DZIP1L: variants seen among roughly 807,000 people sequenced by gnomAD.
DZIP1L encodes the protein cilium assembly protein DZIP1L.
A neutral mutation model predicts 88.7 loss-of-function variants in DZIP1L; 90 were observed. The observed-to-expected ratio is 1.02, with a 90% CI of 0.86 to 1.21. The LOEUF (loss-of-function observed/expected upper bound fraction) is 1.21. Among genes scored for constraint, DZIP1L ranks in the 50% most tolerant of loss-of-function variants. The probability of loss-of-function intolerance (pLI) is 0.00; values close to 1 mark genes in which losing one functional copy is unlikely to be tolerated. For missense variants in DZIP1L, 932 were observed against 955.8 expected, an observed-to-expected ratio of 0.98 and a Z score of 0.33; for synonymous variants, 363 against 372.1, an observed-to-expected ratio of 0.98 and a Z score of 0.28.
Position 138,077,422 on chromosome 3 carries a change from G to T in DZIP1L, c.1422+77C>A. 3 of 1,574,956 alleles carry T rather than the reference G, an allele frequency of 1.9e-6. No individual in the cohort carries two copies. In the South Asian group the frequency reaches 3.5e-5, roughly 18 times the overall value. On this transcript the variant is annotated intron_variant, in intron 11 of 15. Transcript: ENST00000327532. ...TGAGCTCACAATGCAAAGAACAATCGATCATTTGTCTGTCTGAGAACACTT... is the reference window on the plus strand; with the variant it reads ...TGAGCTCACAATGCAAAGAACAATCTATCATTTGTCTGTCTGAGAACACTT...
chr3:138,097,031 A>G (rs1477029553), intron 3 of DZIP1L, among the ~76,000 whole-genome samples: 1 of 152,024 alleles, frequency 6.6e-6, no homozygotes, highest in African/African-American at 2.4e-5. Flanking sequence ...AATTTTTAAA[A>G]TTAGCCAGGT....
chr3:138,111,824 G>T (rs145771030), intron 1 of DZIP1L, among the ~76,000 whole-genome samples: 2 of 151,920 alleles, frequency 1.3e-5, no homozygotes, highest in East Asian at 3.9e-4. Flanking sequence ...GTGAAACCCC[G>T]TCTCTACTAA....
intron 6 of DZIP1L, among the ~76,000 whole-genome samples, chr3:138,087,230 C>T (rs1022419770): frequency 6.6e-6 from 1 of 151,974 alleles, no homozygotes; most frequent in Non-Finnish European, 1.5e-5. Flanking sequence ...GAACAAATGG[C>T]TAGCTACCTG....
chr3:138,077,581 C>A lies in DZIP1L; in HGVS notation c.1340G>T (p.Arg447Leu), dbSNP rs376723739. Residue 447 changes from arginine (R) to leucine (L), a missense_variant, in exon 11 of 16, where the codon CGT (arginine) becomes CTT (leucine). Arg to Leu is a moderately radical substitution (Grantham distance 102). Transcript: ENST00000327532. The stretch of plus-strand genomic sequence containing the variant: ...GAAGTGCTTCAGCAAAGTGGGGTTA[C>A]GCCTCAGAGCTGCCAGCACCTTGTG... Reference protein sequence around the residue: ...EQHKVLAALRRNPTLLKHFRP... With the variant: ...EQHKVLAALRLNPTLLKHFRP... The A allele has an allele frequency of 3.7e-6, 6 of 1,614,210 alleles. No individual in the cohort carries two copies. The Admixed American group carries it at 8.3e-5, about 22-fold the overall frequency.
chr3:138,086,924 G>C (rs764205280), intron 7 of DZIP1L, 37 bp downstream of exon 7: 17 of 1,609,818 alleles, frequency 1.1e-5, no homozygotes, highest in Middle Eastern at 1.7e-4. Context: ...GAGGTCACAG[G>C]AAACCAAGCT....
At chr3:138,069,076 C>A in intron 12 of DZIP1L, 2 of 1,097,142 alleles carry the variant, frequency 1.8e-6, no homozygotes, top group South Asian at 1.7e-5. Context: ...GTTGAACAGC[C>A]ATGGGTCCAC....
At chr3:138,104,166 T>A in intron 1 of DZIP1L, 114 bp from the exon 2 acceptor site, 2 of 994,698 alleles carry the variant, frequency 2.0e-6, no homozygotes, top group Non-Finnish European at 2.9e-6. Flanking sequence ...GCAGCAGCTG[T>A]AGCATTCATG....
chr3:138,073,652 A>G (rs1943275802), intron 11 of DZIP1L, among the ~76,000 whole-genome samples: 2 of 152,160 alleles, frequency 1.3e-5, no homozygotes, highest in South Asian at 2.1e-4. Flanking sequence ...ATGACAAGAC[A>G]AGGTTCTTTA....
chr3:138,112,392 C>G (rs1265830951), intron 1 of DZIP1L: 4 of 152,190 alleles, frequency 2.6e-5, no homozygotes, highest in African/African-American at 9.7e-5. Context: ...AGTGCAAGCG[C>G]TGACAGAGTT....
chr3:138,102,102 T>C (rs2042337503), intron 2 of DZIP1L: 3 of 1,446,134 alleles, frequency 2.1e-6, no homozygotes, highest in Admixed American at 3.4e-5. Context: ...CCAGCTGCAG[T>C]TGGCGATCTC....
At chr3:138,084,059 C>T in intron 8 of DZIP1L, 54 bp downstream of exon 8, 1 of 1,590,620 alleles carries the variant, frequency 6.3e-7, no homozygotes, top group Non-Finnish European at 8.6e-7. Context: ...GAGATCCTCA[C>T]AGGAAAGAGG....
intron 12 of DZIP1L, among the ~76,000 whole-genome samples, chr3:138,070,281 A>G (rs1019930010): frequency 2.1e-4 from 32 of 152,186 alleles, no homozygotes; most frequent in African/African-American, 7.7e-4. Flanking sequence ...TGAGTGGGCA[A>G]ATGAATGAAT....
At chr3:138,104,896 T>C (rs1258480857) in intron 1 of DZIP1L, among the ~76,000 whole-genome samples, 1 of 152,220 alleles carries the variant, frequency 6.6e-6, no homozygotes, top group African/African-American at 2.4e-5. Context: ...ATTTTGAACA[T>C]TCCACTACTA....
chr3:138,083,580 A>G (rs934601819), intron 8 of DZIP1L, among the ~76,000 whole-genome samples: 1 of 152,126 alleles, frequency 6.6e-6, no homozygotes, highest in Non-Finnish European at 1.5e-5. Flanking sequence ...TTTATCTCTC[A>G]CCTCATCAGA....
At chr3:138,095,006 G>C (rs1306673639) in intron 3 of DZIP1L, 23 bp from the exon 4 acceptor site, 1 of 1,613,882 alleles carries the variant, frequency 6.2e-7, no homozygotes, top group Non-Finnish European at 8.5e-7. Flanking sequence ...CGCAAAGACA[G>C]GTGACCAGTT....
rs777896871 is a variant in DZIP1L, at chr3:138,099,612, T to C, written c.502-1765A>G. ...GGCAGTGTTGAGAGGTGGGGCCCAG[T>C]GGGAGGTATCTGGGTCATGGGGCAG... On this transcript the variant is annotated intron_variant, in intron 2 of 15. Coordinates refer to ENST00000327532, the MANE Select transcript of DZIP1L (RefSeq NM_173543.3). Among the ~76,000 whole-genome samples the C allele has an allele frequency of 3.4e-4, 52 of 152,170 alleles. 2 individuals are homozygous for C. Among genetic ancestry groups the C allele is most frequent in the Non-Finnish European group, 5.9e-5 (4 of 68,014 alleles).
intron 2 of DZIP1L, among the ~76,000 whole-genome samples, chr3:138,100,471 C>A (rs1207736178): frequency 6.6e-6 from 1 of 152,168 alleles, no homozygotes. Flanking sequence ...GCCATTCTAG[C>A]AAATTATTGA....
intron 1 of DZIP1L, among the ~76,000 whole-genome samples, 152 bp from the exon 2 acceptor site, chr3:138,104,204 G>A (rs1416558918): frequency 1.3e-5 from 2 of 152,268 alleles, no homozygotes; most frequent in Non-Finnish European, 2.9e-5. Context: ...CAGAGCTGTG[G>A]AAAGAAAACA....
In DZIP1L at chr3:138,077,481, G is replaced by A. The variant is rs765917013; in HGVS notation, c.1422+18C>T. The A allele has an allele frequency of 7.7e-5, 124 of 1,613,600 alleles. No individual in the cohort carries two copies. In the Admixed American group the frequency reaches 1.8e-3, roughly 24 times the overall value. On this transcript the variant is annotated intron_variant, in intron 11 of 15. Transcript: ENST00000327532. ...AATCGTAGGTATCAGCCCTTAAAAC[G>A]ATGGCCCTGAAACTCACCTTCCTTA...
Sources: allele counts gnomAD v4.1 joint callset (sites outside exome capture counted in the v4.1 genomes callset), GRCh38; gene constraint gnomAD v4.1.1; transcripts MANE v1.5; gene names NCBI Gene and HGNC (gene_info 2026-07-23, HGNC 2026-07-21).